Variants in EPHA7 observed in about 807,000 individuals in gnomAD.
EPHA7 encodes ephrin type-A receptor 7.
EPHA7 carries 25 observed loss-of-function variants against 112.6 expected under a neutral mutation model. The observed-to-expected ratio is 0.22, with a 90% CI of 0.16 to 0.31. The LOEUF (loss-of-function observed/expected upper bound fraction) is 0.31. Ranked by LOEUF, EPHA7 falls within the 10% of genes least tolerant of loss-of-function variation. The pLI, the probability that EPHA7 is intolerant of heterozygous loss-of-function variation, is 1.00. For synonymous variants in EPHA7, 437 were observed against 406.5 expected, an observed-to-expected ratio of 1.07 and a Z score of -0.90; for missense variants, 962 against 1,212.6, an observed-to-expected ratio of 0.79 and a Z score of 3.07.
intron 3 of EPHA7, among the ~76,000 whole-genome samples, chr6:93,368,798 G>A (rs1474909104): frequency 6.6e-6 from 1 of 152,138 alleles, no homozygotes; most frequent in African/African-American, 2.4e-5. Flanking sequence ...GTCAGTTAAA[G>A]CAATCGTTCT....
intron 5 of EPHA7, among the ~76,000 whole-genome samples, chr6:93,343,716 A>T (rs1480655578): frequency 6.6e-6 from 1 of 151,676 alleles, no homozygotes; most frequent in African/African-American, 2.4e-5. Context: ...TCACCAGGAC[A>T]CTATAATTAA....
intron 3 of EPHA7, among the ~76,000 whole-genome samples, chr6:93,382,060 A>G (rs539509901): frequency 6.6e-6 from 1 of 152,360 alleles, no homozygotes; most frequent in East Asian, 1.9e-4. Flanking sequence ...TACCAATCCA[A>G]TAAGTTTAGA....
intron 3 of EPHA7, among the ~76,000 whole-genome samples, chr6:93,396,531 C>T (rs991925609): frequency 1.1e-4 from 17 of 151,700 alleles, no homozygotes; most frequent in Admixed American, 1.3e-4. Context: ...TTAATATGTT[C>T]GAGATTTGTT....
intron 3 of EPHA7, among the ~76,000 whole-genome samples, chr6:93,364,522 C>T (rs1212476509): frequency 4.3e-5 from 5 of 116,940 alleles, no homozygotes; most frequent in Admixed American, 3.1e-4. Flanking sequence ...GCGACAGGAG[C>T]GAAACTCCGT....
At position 93,404,111 on chromosome 6, in the gene EPHA7, A is replaced by T. The variant is rs952958416; in HGVS notation, c.832+6390T>A. Among the ~76,000 whole-genome samples the T allele has an allele frequency of 6.6e-5, 10 of 152,208 alleles. No individual in the cohort carries two copies. In the East Asian group the frequency reaches 1.7e-3, roughly 27 times the overall value. On this transcript the variant is annotated intron_variant, in intron 3 of 16. Transcript: ENST00000369303. ...ATAAGGTGAAGATGAGGAAATTTAC[A>T]TGCAAGTTTAAAATACAGACAATTT...
At chr6:93,300,831 C>T (rs563846649) in intron 5 of EPHA7, among the ~76,000 whole-genome samples, 13 of 152,182 alleles carry the variant, frequency 8.5e-5, no homozygotes, top group Middle Eastern at 3.4e-3. Flanking sequence ...ATGCATCATT[C>T]GGTTATTTCA....
intron 1 of EPHA7, among the ~76,000 whole-genome samples, chr6:93,418,701 G>A (rs529431697): frequency 1.3e-5 from 2 of 152,316 alleles, no homozygotes; most frequent in South Asian, 2.1e-4. Context: ...CGCCGCCTCC[G>A]ACGCAGTGAG....
chr6:93,406,989 T>C (rs1018200776), intron 3 of EPHA7, among the ~76,000 whole-genome samples: 5 of 151,928 alleles, frequency 3.3e-5, no homozygotes, highest in African/African-American at 1.2e-4. Context: ...TAAATGAAAT[T>C]ATAAATTCTT....
At chr6:93,382,437 C>T (rs1214602945) in intron 3 of EPHA7, among the ~76,000 whole-genome samples, 1 of 152,150 alleles carries the variant, frequency 6.6e-6, no homozygotes, top group Non-Finnish European at 1.5e-5. Flanking sequence ...ATGAACCTGC[C>T]TGCCCCGCAC....
chr6:93,367,056 G>A (rs1397476605), intron 3 of EPHA7, among the ~76,000 whole-genome samples: 4 of 151,778 alleles, frequency 2.6e-5, no homozygotes, highest in African/African-American at 9.7e-5. Context: ...GGGTTCCCAT[G>A]GACTAAAAAT....
At chr6:93,257,066 G>T (rs1582399430) in intron 12 of EPHA7, among the ~76,000 whole-genome samples, 1 of 152,040 alleles carries the variant, frequency 6.6e-6, no homozygotes. Context: ...CAATAAAATA[G>T]AAATGGTTCT....
At chr6:93,274,863 A>G (rs760202965) in intron 5 of EPHA7, among the ~76,000 whole-genome samples, 5 of 151,960 alleles carry the variant, frequency 3.3e-5, no homozygotes, top group Non-Finnish European at 7.4e-5. Context: ...TATACAGCTT[A>G]TAAACAAAAA....
At chr6:93,268,719 C>A (rs1441540245) in intron 7 of EPHA7, among the ~76,000 whole-genome samples, 3 of 151,698 alleles carry the variant, frequency 2.0e-5, no homozygotes, top group African/African-American at 7.3e-5. Context: ...ATGGGGACAT[C>A]CATCCCAAGA....
chr6:93,350,792 C>T (rs915699653), intron 5 of EPHA7, among the ~76,000 whole-genome samples: 6 of 151,796 alleles, frequency 4.0e-5, no homozygotes, highest in East Asian at 3.9e-4. Context: ...AAATGTACTG[C>T]GGAAGATACA....
At chr6:93,383,043 T>C (rs1470847320) in intron 3 of EPHA7, among the ~76,000 whole-genome samples, 1 of 152,132 alleles carries the variant, frequency 6.6e-6, no homozygotes, top group Non-Finnish European at 1.5e-5. Flanking sequence ...AGAGCTTAAT[T>C]TGATGGACCC....
intron 1 of EPHA7, among the ~76,000 whole-genome samples, chr6:93,415,343 T>C (rs890906439): frequency 2.0e-5 from 3 of 152,002 alleles, no homozygotes; most frequent in Non-Finnish European, 4.4e-5. Context: ...ATTTGCAAGA[T>C]TTTATTCAGG....
intron 3 of EPHA7, among the ~76,000 whole-genome samples, chr6:93,399,188 C>T (rs542312122): frequency 5.7e-4 from 86 of 152,158 alleles, no homozygotes; most frequent in Admixed American, 8.5e-4. Flanking sequence ...GTAAGAGGTG[C>T]CCACTGTTCT....
intron 3 of EPHA7, among the ~76,000 whole-genome samples, chr6:93,374,510 C>T (rs1346504533): frequency 2.0e-5 from 3 of 152,066 alleles, no homozygotes; most frequent in East Asian, 1.9e-4. Context: ...AAGTGTCATG[C>T]CTTACTAGCG....
At position 93,264,736 on chromosome 6, in the gene EPHA7, G is replaced by T. The variant is rs959644471; in HGVS notation, c.1634-34C>A. 2.3e-6 allele frequency: 3 copies of T among 1,320,336 alleles called. No individual in the cohort carries two copies. The South Asian group carries it at 4.1e-5, about 18-fold the overall frequency. The allele number at this position is 1,320,336 out of a possible 1,614,324, so 81.8% of individuals were successfully genotyped here. A position where few individuals can be genotyped will look rare whatever the true frequency, so the allele number is the denominator to read the frequency against. ...AGAGGAAATAGGCTCAGAAATACTT[G>T]ACACCATGCAAGAACTTGAAAGGTT... On this transcript the variant is annotated intron_variant, in intron 7 of 16. Coordinates refer to ENST00000369303, the MANE Select transcript of EPHA7 (RefSeq NM_004440.4).
Sources: gnomAD v4.1 joint callset for allele counts (sites outside exome capture counted in the v4.1 genomes callset) on GRCh38, gnomAD v4.1.1 for gene constraint, MANE v1.5 for transcripts, NCBI Gene and HGNC (gene_info 2026-07-23, HGNC 2026-07-21) for gene names.